RBMS1: variants seen among roughly 807,000 people sequenced by gnomAD.
RBMS1 encodes the protein RNA-binding motif, single-stranded-interacting protein 1.
RBMS1 carries 17 observed loss-of-function variants against 62.3 expected under a neutral mutation model. The ratio of observed to expected loss-of-function variants is 0.27; its 90% CI spans 0.19 to 0.41. RBMS1 has a LOEUF of 0.41. RBMS1 is among the 10% of genes least tolerant of loss of function. The pLI is 1.00. For missense variants in RBMS1, 334 were observed against 504.5 expected, an observed-to-expected ratio of 0.66 and a Z score of 3.24; for synonymous variants, 172 against 170.0, an observed-to-expected ratio of 1.01 and a Z score of -0.09.
At chr2:160,336,177 G>C (rs1302286714) in intron 2 of RBMS1, among the ~76,000 whole-genome samples, 1 of 152,178 alleles carries the variant, frequency 6.6e-6, no homozygotes, top group Non-Finnish European at 1.5e-5. Context: ...TACACATCTG[G>C]TAAGAGCAAA....
At chr2:160,400,151 C>CA (rs1174387089) in intron 1 of RBMS1, among the ~76,000 whole-genome samples, 3 of 152,156 alleles carry the variant, frequency 2.0e-5, no homozygotes, top group Admixed American at 2.0e-4. Context: ...CTAACAGCTG[C>CA]TTCTACAATG....
chr2:160,312,692 T>G (rs1314271354), intron 4 of RBMS1, among the ~76,000 whole-genome samples: 2 of 152,164 alleles, frequency 1.3e-5, no homozygotes, highest in African/African-American at 4.8e-5. Context: ...ACTACTTGTT[T>G]TATTATTTGT....
intron 1 of RBMS1, among the ~76,000 whole-genome samples, chr2:160,478,154 T>C (rs896060552): frequency 2.0e-5 from 3 of 152,354 alleles, no homozygotes; most frequent in Admixed American, 1.3e-4. Flanking sequence ...TGTCAAATAA[T>C]AATGGTACAC....
intron 7 of RBMS1, 87 bp from the exon 8 acceptor site, chr2:160,285,131 C>T: frequency 1.5e-6 from 2 of 1,300,562 alleles, no homozygotes; most frequent in South Asian, 1.2e-5. Context: ...GTGGTGTGCA[C>T]CTGTAGTCCC....
intron 1 of RBMS1, among the ~76,000 whole-genome samples, chr2:160,436,398 C>A (rs1355483863): frequency 6.6e-6 from 1 of 152,228 alleles, no homozygotes; most frequent in Non-Finnish European, 1.5e-5. Context: ...AAAAGGGAAA[C>A]CTTCCTAATA....
In RBMS1 at chr2:160,322,545, T is replaced by G. The variant is rs548259642; in HGVS notation, c.252-4318A>C. 3.3e-5 allele frequency among the ~76,000 whole-genome samples: 5 copies of G among 152,342 alleles called. No individual in the cohort carries two copies. The South Asian group carries it at 1.0e-3, about 32-fold the overall frequency. On this transcript the variant is annotated intron_variant, in intron 2 of 13. Transcript: ENST00000348849. ...AAGTTGTGGAGTAAGACTGAAAGACTGTGATTTCACAGAACATCAGAAACG... is the reference window on the plus strand; with the variant it reads ...AAGTTGTGGAGTAAGACTGAAAGACGGTGATTTCACAGAACATCAGAAACG...
intron 4 of RBMS1, among the ~76,000 whole-genome samples, chr2:160,311,528 T>C (rs1445442171): frequency 2.0e-5 from 3 of 152,096 alleles, no homozygotes; most frequent in Non-Finnish European, 2.9e-5. Flanking sequence ...CTTATGTGTA[T>C]GTAAATGCTT....
intron 1 of RBMS1, among the ~76,000 whole-genome samples, chr2:160,397,542 T>C (rs1160757501): frequency 6.6e-6 from 1 of 152,192 alleles, no homozygotes; most frequent in African/African-American, 2.4e-5. Flanking sequence ...GAAATAATCT[T>C]GTCTCTAGGC....
chr2:160,303,103 T>C (rs1305100651), intron 5 of RBMS1, among the ~76,000 whole-genome samples: 1 of 152,214 alleles, frequency 6.6e-6, no homozygotes, highest in African/African-American at 2.4e-5. Context: ...TGATAGTTCC[T>C]TTCCATAAGG....
At chr2:160,470,054 T>C (rs891877725) in intron 1 of RBMS1, among the ~76,000 whole-genome samples, 2 of 152,210 alleles carry the variant, frequency 1.3e-5, no homozygotes, top group Non-Finnish European at 2.9e-5. Flanking sequence ...CCCATGAGGC[T>C]GTTGTGTGGG....
intron 1 of RBMS1, among the ~76,000 whole-genome samples, chr2:160,457,027 G>C (rs1316774867): frequency 6.6e-6 from 1 of 151,978 alleles, no homozygotes; most frequent in African/African-American, 2.4e-5. Flanking sequence ...TATCTTATTA[G>C]AGGCTGAAAA....
At chr2:160,410,238 A>AT (rs1695972151) in intron 1 of RBMS1, among the ~76,000 whole-genome samples, 1 of 146,288 alleles carries the variant, frequency 6.8e-6, no homozygotes, top group Non-Finnish European at 1.5e-5. Flanking sequence ...AAAAAAAAAA[A>AT]AAAAAAAAAT....
At chr2:160,446,385 A>G (rs977519937) in intron 1 of RBMS1, among the ~76,000 whole-genome samples, 2 of 152,128 alleles carry the variant, frequency 1.3e-5, no homozygotes, top group South Asian at 4.2e-4. Context: ...TGCTGAGCCC[A>G]TATCTGTCTC....
chr2:160,424,779 T>C (rs1425715040), intron 1 of RBMS1, among the ~76,000 whole-genome samples: 1 of 152,128 alleles, frequency 6.6e-6, no homozygotes, highest in East Asian at 1.9e-4. Flanking sequence ...CCTTTCATGT[T>C]AAAAAAATAA....
intron 6 of RBMS1, among the ~76,000 whole-genome samples, chr2:160,292,338 T>C (rs1688724602): frequency 6.6e-6 from 1 of 152,234 alleles, no homozygotes; most frequent in Admixed American, 6.5e-5. Context: ...AATAAGTGCT[T>C]AGAAGAGCTA....
At chr2:160,476,287 T>A (rs1016990872) in intron 1 of RBMS1, among the ~76,000 whole-genome samples, 2 of 152,176 alleles carry the variant, frequency 1.3e-5, no homozygotes, top group African/African-American at 4.8e-5. Flanking sequence ...TGATTGCCTT[T>A]GGGGACACTA....
chr2:160,367,533 G>T (rs1053559800), intron 1 of RBMS1, 142 bp from the exon 2 acceptor site: 2 of 1,374,550 alleles, frequency 1.5e-6, no homozygotes, highest in Non-Finnish European at 1.9e-6. Flanking sequence ...AAAAAGGTCT[G>T]TTCATGCTAC....
chr2:160,435,134 A>G (rs566450897), intron 1 of RBMS1, among the ~76,000 whole-genome samples: 7 of 152,360 alleles, frequency 4.6e-5, no homozygotes, highest in Admixed American at 2.0e-4. Flanking sequence ...CTTTCTATGG[A>G]AAGAGTGGGG....
At chr2:160,310,313 C>A (rs1288252808) in intron 4 of RBMS1, among the ~76,000 whole-genome samples, 1 of 152,190 alleles carries the variant, frequency 6.6e-6, no homozygotes, top group Non-Finnish European at 1.5e-5. Flanking sequence ...TGTCAGCCAA[C>A]AATTGCTTTT....
Sources: allele counts gnomAD v4.1 joint callset (sites outside exome capture counted in the v4.1 genomes callset), GRCh38; gene constraint gnomAD v4.1.1; transcripts MANE v1.5; gene names NCBI Gene and HGNC (gene_info 2026-07-23, HGNC 2026-07-21).